GOLGA6L22: variants seen among roughly 807,000 people sequenced by gnomAD.
The protein encoded by GOLGA6L22 is golgin A6 family like 22, also known as golgin subfamily A member 6-like protein 22.
A neutral mutation model predicts 77.1 loss-of-function variants in GOLGA6L22; 28 were observed. The observed-to-expected ratio is 0.36, with a 90% confidence interval of 0.27 to 0.50. The LOEUF is 0.50. GOLGA6L22 is among the 20% of genes least tolerant of loss of function. The pLI is 0.97. For synonymous variants in GOLGA6L22, 62 were observed against 185.3 expected (o/e 0.33, Z 5.41); for missense variants, 250 against 620.4 (o/e 0.40, Z 6.34).
intron 5 of GOLGA6L22, 93 bp from the exon 6 acceptor site, chr15:22,463,748 G>A: frequency 1.9e-6 from 1 of 528,154 alleles, no homozygotes; most frequent in Non-Finnish European, 3.3e-6. Flanking sequence ...GTGAGGAAGT[G>A]TTACTGTGGA....
intron 7 of GOLGA6L22, among the ~76,000 whole-genome samples, chr15:22,464,727 C>T (rs1887623250): frequency 7.6e-6 from 1 of 130,858 alleles, no homozygotes; most frequent in Admixed American, 7.8e-5. Flanking sequence ...CGGCTCACTG[C>T]AAGCTCCAAC....
At chr15:22,467,403 G>A in intron 8 of GOLGA6L22, 79 bp from the exon 9 acceptor site, 1 of 7,370 alleles carries the variant, frequency 1.4e-4, no homozygotes, top group South Asian at 1.1e-3. Context: ...CCCGGTTGAG[G>A]GAGTTGATGA....
In GOLGA6L22 at chr15:22,461,988, A is replaced by T. The variant is rs1887542572; in HGVS notation, c.181-46A>T. ...TCTGGGGGCATGTCTCTTGCTGTGG[A>T]TCTCTGCCTACCCCTAGTAAGAGCT... On this transcript the variant is annotated intron_variant, in intron 2 of 8. Transcript: ENST00000622895. 4 of 1,464,362 alleles carry T rather than the reference A, an allele frequency of 2.7e-6. 1 individual carries two copies. Among genetic ancestry groups the T allele is most frequent in the Non-Finnish European group, 2.7e-6 (3 of 1,097,388 alleles). 90.7% of individuals were successfully genotyped at this position (1,464,362 alleles called of 1,614,324 possible). A position where few individuals can be genotyped will look rare whatever the true frequency, so the allele number is the denominator to read the frequency against.
chr15:22,463,580 G>C (rs1439975536), intron 5 of GOLGA6L22, among the ~76,000 whole-genome samples: 9 of 130,602 alleles, frequency 6.9e-5, no homozygotes, highest in Non-Finnish European at 3.2e-5. Context: ...GAACCCAGGA[G>C]GTGTAGGTTG....
At chr15:22,466,921 A>C (rs1887746292) in intron 8 of GOLGA6L22, 96 bp downstream of exon 8, 2 of 406,912 alleles carry the variant, frequency 4.9e-6, no homozygotes, top group Non-Finnish European at 8.2e-6. Context: ...AACCCTGGAG[A>C]TCATACAGAA....
chr15:22,463,021 C>T (rs1391162179), intron 5 of GOLGA6L22, among the ~76,000 whole-genome samples: 3 of 135,352 alleles, frequency 2.2e-5, no homozygotes, highest in African/African-American at 9.1e-5. Flanking sequence ...CTTAACTGTG[C>T]CCCTACCTCC....
chr15:22,463,598 C>G (rs1887589356), intron 5 of GOLGA6L22, among the ~76,000 whole-genome samples: 1 of 129,534 alleles, frequency 7.7e-6, no homozygotes, highest in Non-Finnish European at 1.6e-5. Context: ...TTGTGGTGAG[C>G]TGAGATTGTG....
At chr15:22,466,534 G>C in exon 8 of GOLGA6L22, 1 of 1,348,710 alleles carries the variant, frequency 7.4e-7, no homozygotes, top group Non-Finnish European at 1.0e-6. Context: ...AACAGGAAGA[G>C]AAGATGGGGG....
chr15:22,463,263 C>A (rs1408527724), intron 5 of GOLGA6L22, among the ~76,000 whole-genome samples: 1 of 149,690 alleles, frequency 6.7e-6, no homozygotes, highest in African/African-American at 2.5e-5. Context: ...ACAGTAATAG[C>A]AATAACAATA....
At position 22,463,649 on chromosome 15, in the gene GOLGA6L22, C is replaced by CA. The variant is rs1201964026; in HGVS notation, c.433-181dup. Among the ~76,000 whole-genome samples the CA allele has an allele frequency of 8.9e-4, 103 of 116,260 alleles. 1 individual carries two copies. The East Asian group carries it at 0.015, about 17-fold the overall frequency. 76.3% of individuals were successfully genotyped at this position (116,260 alleles called of 152,430 possible). A position where few individuals can be genotyped will look rare whatever the true frequency, so the allele number is the denominator to read the frequency against. ...GAGGGCAACAAGAATGAAACTCTGC[C>CA]AAAAAAAAAAAGAAAGAAAGAAAGA... On this transcript the variant is annotated intron_variant, in intron 5 of 8. Transcript: ENST00000622895.
rs768229497 is a variant in GOLGA6L22, at chr15:22,466,578, A to C, written c.2186A>C (p.Lys729Thr). 2.5e-5 allele frequency: 32 copies of C among 1,266,860 alleles called. 1 individual carries two copies. The highest frequency in any genetic ancestry group is 5.7e-4 in the Middle Eastern group (2 of 3,526). The allele number at this position is 1,266,860 out of a possible 1,614,324, so 78.5% of individuals were successfully genotyped here. A position where few individuals can be genotyped will look rare whatever the true frequency, so the allele number is the denominator to read the frequency against. The change falls in exon 8 of 9, where the codon AAG becomes ACG. Residue 729 changes from lysine to threonine, a missense_variant. Coordinates refer to ENST00000622895, the Ensembl canonical transcript of GOLGA6L22. ...GAGAAGATGCAAGAACAGGAGGAGA[A>C]GATGCGGAGGCAGGAGGAGAAGATA...
Position 22,462,029 on chromosome 15 carries a change from T to C in GOLGA6L22, c.181-5T>C. 2 of 1,459,800 alleles carry C rather than the reference T, an allele frequency of 1.4e-6. 1 individual carries two copies. The highest frequency in any genetic ancestry group is 2.5e-5 in the South Asian group (2 of 78,810). The allele number at this position is 1,459,800 out of a possible 1,614,324, so 90.4% of individuals were successfully genotyped here. On this transcript the variant is annotated splice_region_variant and splice_polypyrimidine_tract_variant and intron_variant, in intron 2 of 8. Coordinates refer to ENST00000622895, the Ensembl canonical transcript of GOLGA6L22. Reference sequence around the variant, plus strand: ...AGTAAGAGCTCTGTTTTCCTCTTTCTATAGGAACAGAAGGCAAGCCACCAA... The same window carrying C: ...AGTAAGAGCTCTGTTTTCCTCTTTCCATAGGAACAGAAGGCAAGCCACCAA...
In GOLGA6L22 at chr15:22,465,584, G is replaced by A. The variant is rs1195821303; in HGVS notation, c.1192G>A (p.Glu398Lys). ...GGAGGAGGAGAAGAGGCAGGAGCAG[G>A]AGGAGATGTGGAGGCAGGAGGAGAA... The change falls in exon 8 of 9, where the codon GAG becomes AAG. Residue 398 changes from glutamate to lysine, a missense_variant. Physicochemically the swap from Glu to Lys is moderately conservative, Grantham distance 56. Transcript: ENST00000622895. 9.8e-6 allele frequency: 5 copies of A among 508,552 alleles called. No homozygotes were observed. In the East Asian group the frequency reaches 1.6e-4, roughly 16 times the overall value. The allele number at this position is 508,552 out of a possible 1,614,324, so 31.5% of individuals were successfully genotyped here.
chr15:22,462,009 G>A (rs763564883), intron 2 of GOLGA6L22, 25 bp from the exon 3 acceptor site: 1 of 1,467,218 alleles, frequency 6.8e-7, no homozygotes, highest in Non-Finnish European at 9.1e-7. Flanking sequence ...CCCCTAGTAA[G>A]AGCTCTGTTT....
chr15:22,468,820 G>C, exon 9 of GOLGA6L22: 1 of 48,368 alleles, frequency 2.1e-5, no homozygotes, highest in African/African-American at 1.6e-4. Flanking sequence ...TTACAAGTAT[G>C]AGCCACTGCA....
At chr15:22,466,439 A>C (rs1887724141) in exon 8 of GOLGA6L22, 1 of 1,051,736 alleles carries the variant, frequency 9.5e-7, no homozygotes, top group Non-Finnish European at 1.3e-6. Flanking sequence ...GAAGATGCGG[A>C]GGCAGGAGGA....
Position 22,465,728 on chromosome 15 carries a change from G to A in GOLGA6L22, c.1336G>A (p.Glu446Lys), listed in dbSNP as rs1314300280. 6 of 1,257,270 alleles carry A rather than the reference G, an allele frequency of 4.8e-6. No individual in the cohort carries two copies. In the Middle Eastern group the frequency reaches 9.0e-4, roughly 189 times the overall value. The allele number at this position is 1,257,270 out of a possible 1,614,324, so 77.9% of individuals were successfully genotyped here. The change falls in exon 8 of 9, where the codon GAG (glutamate) becomes AAG (lysine). Residue 446 changes from glutamate (E) to lysine (K), a missense_variant. Physicochemically the swap from Glu to Lys is moderately conservative, Grantham distance 56. Coordinates refer to ENST00000622895, the Ensembl canonical transcript of GOLGA6L22. ...GGAGGAGAAGATGCACGACCAGGAG[G>A]AGAAGATACGGGAGCAGGAGGAGAA...
exon 9 of GOLGA6L22, chr15:22,468,486 T>TG (rs1421836843): frequency 1.2e-5 from 1 of 86,886 alleles, no homozygotes. Flanking sequence ...ACTGCTCTTG[T>TG]GGGGAGGCGA....
intron 7 of GOLGA6L22, among the ~76,000 whole-genome samples, chr15:22,464,632 T>A (rs1410402402): frequency 1.2e-5 from 1 of 81,550 alleles, no homozygotes; most frequent in Non-Finnish European, 2.2e-5. Context: ...ATAGATTACA[T>A]TTATTTATTT....
Sources: gnomAD v4.1 joint callset for allele counts (sites outside exome capture counted in the v4.1 genomes callset) on GRCh38, gnomAD v4.1.1 for gene constraint, MANE v1.5 for transcripts, NCBI Gene and HGNC (gene_info 2026-07-23, HGNC 2026-07-21) for gene names.